The following USO1 variants were observed in gnomAD, a reference collection of about 807,000 sequenced individuals.
USO1 encodes the protein USO1 vesicle transport factor, also known as general vesicular transport factor p115.
USO1 carries 57 observed loss-of-function variants against 124.5 expected under a neutral mutation model. The ratio of observed to expected loss-of-function variants is 0.46; its 90% confidence interval spans 0.37 to 0.57. The LOEUF is 0.57. Among genes scored for constraint, USO1 ranks in the 20% least tolerant of loss-of-function variants. The probability of loss-of-function intolerance (pLI) is 0.00; values close to 1 mark genes in which losing one functional copy is unlikely to be tolerated. For missense variants in USO1, 900 were observed against 1,040.6 expected (o/e 0.86, Z 1.86); for synonymous variants, 369 against 362.8 (o/e 1.02, Z -0.19).
At chr4:75,786,092 A>G (rs1424350459) in intron 9 of USO1, among the ~76,000 whole-genome samples, 1 of 152,162 alleles carries the variant, frequency 6.6e-6, no homozygotes, top group Non-Finnish European at 1.5e-5. Flanking sequence ...CTCTAATTCT[A>G]GTGATTTCTG....
chr4:75,773,904 A>G (rs1722001809), intron 7 of USO1, among the ~76,000 whole-genome samples: 1 of 70,698 alleles, frequency 1.4e-5, no homozygotes, highest in Admixed American at 1.6e-4. Flanking sequence ...CTCTACAATA[A>G]TATCTGTGCT....
At chr4:75,744,579 C>G (rs1205736694) in intron 1 of USO1, among the ~76,000 whole-genome samples, 1 of 152,078 alleles carries the variant, frequency 6.6e-6, no homozygotes, top group African/African-American at 2.4e-5. Context: ...ACCATCACAC[C>G]CAGCTCTTTT....
intron 1 of USO1, among the ~76,000 whole-genome samples, chr4:75,727,725 A>G (rs1720504617): frequency 6.6e-6 from 1 of 152,078 alleles, no homozygotes; most frequent in African/African-American, 2.4e-5. Context: ...ATTTCTGCAA[A>G]ATTAAATTTT....
intron 8 of USO1, among the ~76,000 whole-genome samples, chr4:75,779,951 T>G: frequency 6.6e-6 from 1 of 152,318 alleles, no homozygotes; most frequent in South Asian, 2.1e-4. Flanking sequence ...TGTTAAGAGC[T>G]AATGCACTGT....
At chr4:75,760,407 C>T (rs769393281) in intron 4 of USO1, among the ~76,000 whole-genome samples, 10 of 152,082 alleles carry the variant, frequency 6.6e-5, no homozygotes, top group East Asian at 1.9e-4. Context: ...AAAAATATAG[C>T]GTATGCTAAA....
chr4:75,745,624 G>T (rs1721102067), intron 1 of USO1, among the ~76,000 whole-genome samples: 1 of 152,154 alleles, frequency 6.6e-6, no homozygotes, highest in Non-Finnish European at 1.5e-5. Context: ...TTGTAGCCAG[G>T]CGCAGTGGCT....
chr4:75,783,343 G>A (rs1412944884), intron 9 of USO1, among the ~76,000 whole-genome samples: 1 of 152,194 alleles, frequency 6.6e-6, no homozygotes, highest in Non-Finnish European at 1.5e-5. Flanking sequence ...ATTAGTCTGA[G>A]TTTTAAGTCC....
intron 8 of USO1, among the ~76,000 whole-genome samples, chr4:75,779,544 T>C (rs1722162136): frequency 6.6e-6 from 1 of 152,176 alleles, no homozygotes; most frequent in African/African-American, 2.4e-5. Flanking sequence ...GTTGTCCAGA[T>C]TGAAAATGAA....
At chr4:75,811,694 C>T (rs764789452) in intron 22 of USO1, among the ~76,000 whole-genome samples, 2 of 152,048 alleles carry the variant, frequency 1.3e-5, no homozygotes, top group African/African-American at 4.8e-5. Context: ...TGGATTGTGG[C>T]CAAATTATTT....
rs1313025249 is a variant in USO1, at chr4:75,813,721, T to C, written c.*426T>C. ...TTTGAGTCCTTAGTTGATGATTTTCTTTTAAAGAAATTAGTTTATTTAAAA... is the reference window on the plus strand; with the variant it reads ...TTTGAGTCCTTAGTTGATGATTTTCCTTTAAAGAAATTAGTTTATTTAAAA... On this transcript the variant is annotated 3_prime_UTR_variant, in exon 24 of 24. Transcript: ENST00000514213. The C allele has an allele frequency of 6.5e-6, 1 of 152,918 alleles. No individual in the cohort carries two copies. The highest frequency in any genetic ancestry group is 1.5e-5 in the Non-Finnish European group (1 of 68,548). 9.5% of individuals were successfully genotyped at this position (152,918 alleles called of 1,614,324 possible). A position where few individuals can be genotyped will look rare whatever the true frequency, so the allele number is the denominator to read the frequency against.
At chr4:75,760,449 A>C in intron 4 of USO1, 1 of 368,900 alleles carries the variant, frequency 2.7e-6, no homozygotes, top group Non-Finnish European at 4.8e-6. Flanking sequence ...TATTTGACCA[A>C]AGTACATATG....
chr4:75,748,240 G>A (rs1721190158), intron 1 of USO1, among the ~76,000 whole-genome samples: 1 of 141,726 alleles, frequency 7.1e-6, no homozygotes, highest in Admixed American at 7.4e-5. Context: ...ACAGGCTGGA[G>A]TGCAGTGGTG....
At chr4:75,800,313 A>G (rs1722807989) in intron 14 of USO1, 38 bp from the exon 15 acceptor site, 1 of 1,540,168 alleles carries the variant, frequency 6.5e-7, no homozygotes, top group South Asian at 1.2e-5. Flanking sequence ...AATGTACTAG[A>G]TATTTTCAAT....
At chr4:75,811,843 T>C (rs1723159598) in intron 22 of USO1, among the ~76,000 whole-genome samples, 1 of 152,218 alleles carries the variant, frequency 6.6e-6, no homozygotes, top group Admixed American at 6.5e-5. Context: ...GTAAAATGCT[T>C]TGTGTTTCTG....
At chr4:75,784,929 T>C (rs955954218) in intron 9 of USO1, among the ~76,000 whole-genome samples, 3 of 152,238 alleles carry the variant, frequency 2.0e-5, no homozygotes, top group African/African-American at 7.2e-5. Flanking sequence ...TTCTGTAGCT[T>C]AGTAAAGCTT....
intron 7 of USO1, among the ~76,000 whole-genome samples, chr4:75,773,029 C>T (rs774327582): frequency 3.3e-5 from 5 of 151,952 alleles, no homozygotes; most frequent in South Asian, 2.1e-4. Context: ...ACCTGGGAGG[C>T]GGAGGTTGCA....
At chr4:75,806,906 A>G (rs985737972) in intron 20 of USO1, among the ~76,000 whole-genome samples, 6 of 152,140 alleles carry the variant, frequency 3.9e-5, no homozygotes, top group Non-Finnish European at 8.8e-5. Flanking sequence ...TTAATATACT[A>G]TGATAATTGC....
chr4:75,737,107 C>G (rs888988603), intron 1 of USO1, among the ~76,000 whole-genome samples: 1 of 152,158 alleles, frequency 6.6e-6, no homozygotes, highest in African/African-American at 2.4e-5. Context: ...CCCAGAGAAC[C>G]AATTTAATGT....
intron 1 of USO1, among the ~76,000 whole-genome samples, chr4:75,725,650 CATT>C (rs1215252151): frequency 1.3e-5 from 2 of 151,006 alleles, no homozygotes; most frequent in African/African-American, 4.9e-5. Context: ...CCGCTGAAAA[CATT>C]ATTTAATAGT....
Sources: allele counts gnomAD v4.1 joint callset (sites outside exome capture counted in the v4.1 genomes callset), GRCh38; gene constraint gnomAD v4.1.1; transcripts MANE v1.5; gene names NCBI Gene and HGNC (gene_info 2026-07-23, HGNC 2026-07-21).